Variants in ZNF320 observed in about 807,000 individuals in gnomAD.
ZNF320 encodes zinc finger protein 320, also known as zinc finger gene 320.
A neutral mutation model predicts 6.8 loss-of-function variants in ZNF320; 2 were observed. That is an observed-to-expected ratio of 0.29 (90% confidence interval 0.12 to 0.93). The LOEUF is 0.93. ZNF320 is among the 40% of genes least tolerant of loss of function. ZNF320 has a pLI of 0.55. For synonymous variants in ZNF320, 208 were observed against 203.2 expected (o/e 1.02, Z -0.20); for missense variants, 472 against 611.0 (o/e 0.77, Z 2.40).
At chr19:52,903,227 C>T in the ZNF320 span, among the ~76,000 whole-genome samples, 6 of 152,188 alleles carry the variant, frequency 3.9e-5, no homozygotes, top group Non-Finnish European at 5.9e-5. Flanking sequence ...ATACATGCTA[C>T]GCTGTTAACT....
chr19:52,869,428 T>C (rs953107815), intron 5 of ZNF320, among the ~76,000 whole-genome samples: 1 of 152,156 alleles, frequency 6.6e-6, no homozygotes, highest in Non-Finnish European at 1.5e-5. Flanking sequence ...AAGGAGACCA[T>C]GGATGTGAAG....
Position 52,890,977 on chromosome 19 carries a change from C to G in ZNF320, c.-74+252G>C, listed in dbSNP as rs546263602. Among the ~76,000 whole-genome samples the G allele has an allele frequency of 2.0e-5, 3 of 152,108 alleles. No homozygotes were observed. The East Asian group carries it at 5.8e-4, about 29-fold the overall frequency. The stretch of plus-strand genomic sequence containing the variant: ...ACCAGCCTGGCCAACATGGTGAAAC[C>G]CTGTCTCTTACTAAAAATACAAAAA... On this transcript the variant is annotated intron_variant, in intron 3 of 5. Coordinates refer to ENST00000682928, the MANE Select transcript of ZNF320 (RefSeq NM_001351774.2).
chr19:52,890,752 T>C (rs2064262204), intron 3 of ZNF320, among the ~76,000 whole-genome samples: 1 of 152,080 alleles, frequency 6.6e-6, no homozygotes, highest in African/African-American at 2.4e-5. Flanking sequence ...CACTTCTGTG[T>C]GTCTGTGGTC....
chr19:52,891,572 AT>A (rs1399085817), intron 2 of ZNF320, among the ~76,000 whole-genome samples: 1 of 152,018 alleles, frequency 6.6e-6, no homozygotes, highest in African/African-American at 2.4e-5. Context: ...AAGGGTTTTG[AT>A]GTTTGGGGAA....
In ZNF320 at chr19:52,880,571, G is replaced by A; in HGVS notation, c.*25C>T. 1.3e-6 allele frequency: 2 copies of A among 1,568,530 alleles called. No homozygotes were observed. The highest frequency in any genetic ancestry group is 2.2e-5 in the East Asian group (1 of 44,644). On this transcript the variant is annotated 3_prime_UTR_variant, in exon 6 of 6. Transcript: ENST00000682928. ...TCAATGTTAAGTCAACTCAAACTCA[G>A]GTCAATGCTGATTTGACTCTGATGT...
At chr19:52,892,912 GTC>G (rs2064352498) in intron 2 of ZNF320, among the ~76,000 whole-genome samples, 1 of 138,146 alleles carries the variant, frequency 7.2e-6, no homozygotes, top group Admixed American at 7.0e-5. Context: ...CCTCTTTGCT[GTC>G]CCTCTCCCTA....
In ZNF320 at chr19:52,879,721, A is replaced by G. The variant is rs1203032615; in HGVS notation, c.*875T>C. ...AAGAGTCAACCAAAATGCAACTGGA[A>G]CTAAAAAACATATGCAGTGGATTTG... On this transcript the variant is annotated 3_prime_UTR_variant, in exon 6 of 6. Transcript: ENST00000682928. The G allele has an allele frequency of 6.6e-6, 1 of 152,250 alleles. No homozygotes were observed. Among genetic ancestry groups the G allele is most frequent in the East Asian group, 1.9e-4 (1 of 5,200 alleles). 9.4% of individuals were successfully genotyped at this position (152,250 alleles called of 1,614,324 possible).
At chr19:52,870,589 G>C (rs67072851) in intron 5 of ZNF320, among the ~76,000 whole-genome samples, 30,182 of 151,586 alleles carry the variant, frequency 0.2, 3,279 homozygotes, top group Non-Finnish European at 0.24. Context: ...ATCCATCCAT[G>C]TATTTATGCA....
the ZNF320 span, among the ~76,000 whole-genome samples, chr19:52,903,662 C>T: frequency 1.4e-4 from 21 of 151,428 alleles, no homozygotes; most frequent in Non-Finnish European, 1.5e-4. Flanking sequence ...AATTCTTTAA[C>T]ATATTTCTTA....
intron 5 of ZNF320, among the ~76,000 whole-genome samples, chr19:52,883,898 C>CA (rs956210169): frequency 4.6e-5 from 7 of 151,552 alleles, no homozygotes; most frequent in African/African-American, 1.7e-4. Flanking sequence ...GATTCCATCT[C>CA]AAAAAAAATA....
chr19:52,890,155 T>A (rs2064240137), intron 4 of ZNF320, 86 bp downstream of exon 4: 1 of 1,567,870 alleles, frequency 6.4e-7, no homozygotes, highest in Non-Finnish European at 8.7e-7. Flanking sequence ...GCAGGATGCT[T>A]CAGACTAAGA....
chr19:52,866,967 G>A (rs997001852), intron 5 of ZNF320, among the ~76,000 whole-genome samples: 2 of 151,232 alleles, frequency 1.3e-5, no homozygotes, highest in African/African-American at 4.9e-5. Flanking sequence ...CAGGCAATAC[G>A]GCAATTCTAT....
At chr19:52,873,731 G>A (rs2063720068), downstream of ZNF320, among the ~76,000 whole-genome samples, 1 of 151,994 alleles carries the variant, frequency 6.6e-6, no homozygotes, top group South Asian at 2.1e-4. Flanking sequence ...GACACCATGG[G>A]GCCCACACCC....
rs771375205 is a variant in ZNF320 at position 52,881,735 on chromosome 19, C to T, written c.391G>A (p.Ala131Thr). Residue 131 changes from alanine to threonine, a missense_variant, in exon 6 of 6, where the codon GCT becomes ACT. Ala to Thr is a moderately conservative substitution (Grantham distance 58, BLOSUM62 0). Coordinates refer to ENST00000682928, the MANE Select transcript of ZNF320 (RefSeq NM_001351774.2). ...SSTDRYDQRH[A>T]GNKPIKGQLE... ...TGACCTTTAATAGGCTTGTTTCCAG[C>T]ATGCCTTTGATCATATCGGTCTGTA... is the stretch of plus-strand genomic sequence containing the variant. The T allele has an allele frequency of 6.2e-7, 1 of 1,614,010 alleles. No homozygotes were observed. Among genetic ancestry groups the T allele is most frequent in the South Asian group, 1.1e-5 (1 of 91,076 alleles).
chr19:52,883,480 C>A (rs897401224), intron 5 of ZNF320, among the ~76,000 whole-genome samples: 1 of 152,000 alleles, frequency 6.6e-6, no homozygotes, highest in Admixed American at 6.6e-5. Context: ...TAAACAATTC[C>A]CTCTTAAGAA....
downstream of ZNF320, among the ~76,000 whole-genome samples, chr19:52,873,381 A>T (rs71361282): frequency 0.11 from 17,297 of 152,252 alleles, 1,295 homozygotes; most frequent in Non-Finnish European, 0.16. Context: ...TGCCTTTCAC[A>T]AAGCATATTG....
intron 2 of ZNF320, among the ~76,000 whole-genome samples, chr19:52,892,853 C>T (rs989805431): frequency 7.2e-5 from 11 of 151,794 alleles, no homozygotes; most frequent in Non-Finnish European, 1.5e-5. Flanking sequence ...TCTGCTCTGT[C>T]TGCCCTGGCT....
chr19:52,902,916 A>G, the ZNF320 span, among the ~76,000 whole-genome samples: 1 of 152,204 alleles, frequency 6.6e-6, no homozygotes, highest in African/African-American at 2.4e-5. Context: ...ACTTTAGCTA[A>G]TATGTTTACA....
chr19:52,865,653 A>G (rs1348006975), intron 5 of ZNF320, among the ~76,000 whole-genome samples: 3 of 127,814 alleles, frequency 2.3e-5, no homozygotes, highest in African/African-American at 9.2e-5. Context: ...ATATTTATAT[A>G]TGATTATACA....
Sources: allele counts gnomAD v4.1 joint callset (sites outside exome capture counted in the v4.1 genomes callset), GRCh38; gene constraint gnomAD v4.1.1; transcripts MANE v1.5; gene names NCBI Gene and HGNC (gene_info 2026-07-23, HGNC 2026-07-21).